The following LRRC7 variants were observed in gnomAD, a reference collection of about 807,000 sequenced individuals.
The protein encoded by LRRC7 is leucine-rich repeat-containing protein 7.
LRRC7 carries 23 observed loss-of-function variants against 175.7 expected under a neutral mutation model. The observed-to-expected ratio is 0.13, with a 90% CI of 0.09 to 0.19. The LOEUF (loss-of-function observed/expected upper bound fraction) is 0.19, where lower values mean the gene tolerates loss of function less well. Ranked by LOEUF, LRRC7 falls within the 10% of genes least tolerant of loss-of-function variation. LRRC7 has a pLI of 1.00. For missense variants in LRRC7, 1,354 were observed against 1,904.7 expected (o/e 0.71, Z 5.38); for synonymous variants, 685 against 680.9 (o/e 1.01, Z -0.09).
At chr1:69,577,754 C>A (rs1374089803) in intron 1 of LRRC7, among the ~76,000 whole-genome samples, 1 of 151,902 alleles carries the variant, frequency 6.6e-6, no homozygotes, top group East Asian at 1.9e-4. Context: ...TGTTTTGGTA[C>A]CAATGCCATG....
chr1:69,618,021 A>C (rs1185482913), intron 1 of LRRC7, among the ~76,000 whole-genome samples: 1 of 152,164 alleles, frequency 6.6e-6, no homozygotes, highest in Non-Finnish European at 1.5e-5. Context: ...AACAATTATG[A>C]AATCTGACTA....
intron 8 of LRRC7, among the ~76,000 whole-genome samples, chr1:69,934,883 G>C (rs1172786942): frequency 6.6e-6 from 1 of 151,986 alleles, no homozygotes. Flanking sequence ...TCCCCTCCCT[G>C]TGCTGGAAAA....
intron 1 of LRRC7, among the ~76,000 whole-genome samples, chr1:69,621,335 C>T (rs1255555750): frequency 3.9e-5 from 6 of 152,100 alleles, no homozygotes; most frequent in Admixed American, 2.0e-4. Flanking sequence ...AGTGAGCCAC[C>T]GCACCCAGCC....
chr1:69,742,838 A>AT lies in LRRC7; in HGVS notation c.101-17347dup, dbSNP rs1312411786. Among the ~76,000 whole-genome samples, 3 of 151,948 alleles carry AT rather than the reference A, an allele frequency of 2.0e-5. No homozygotes were observed. In the East Asian group the frequency reaches 5.8e-4, roughly 29 times the overall value. ...AATTGTAATGTATAAATGACAAATAATTTTTTAATGTTATATATTCCTTTT... is the reference window on the plus strand; with the variant it reads ...AATTGTAATGTATAAATGACAAATAATTTTTTTAATGTTATATATTCCTTTT... On this transcript the variant is annotated intron_variant, in intron 2 of 26. Transcript: ENST00000651989.
intron 7 of LRRC7, among the ~76,000 whole-genome samples, chr1:69,911,172 T>C (rs1276823418): frequency 6.6e-6 from 1 of 151,834 alleles, no homozygotes; most frequent in East Asian, 1.9e-4. Context: ...TGCCTTGCCC[T>C]GCTTCGGCTC....
chr1:69,750,021 A>G (rs1669674970), intron 2 of LRRC7, among the ~76,000 whole-genome samples: 1 of 151,606 alleles, frequency 6.6e-6, no homozygotes, highest in Non-Finnish European at 1.5e-5. Flanking sequence ...AGATCACGCC[A>G]CTGCACTCCA....
intron 26 of LRRC7, among the ~76,000 whole-genome samples, chr1:70,117,269 A>G (rs996003911): frequency 4.6e-5 from 7 of 152,240 alleles, no homozygotes; most frequent in African/African-American, 1.7e-4. Context: ...TTGGATAATA[A>G]GAATGCAACA....
In LRRC7 at chr1:69,681,514, A is replaced by G. The variant is rs561718863; in HGVS notation, c.100+3036A>G. Among the ~76,000 whole-genome samples, 267 of 152,304 alleles carry G rather than the reference A, an allele frequency of 1.8e-3. 1 individual carries two copies. Among genetic ancestry groups the G allele is most frequent in the African/African-American group, 6.1e-3 (255 of 41,574 alleles). On this transcript the variant is annotated intron_variant, in intron 2 of 26. Transcript: ENST00000651989. Reference sequence around the variant, plus strand: ...ATCAACATAGACGTAGATCTAAGTTATTTAATGGGAATTATATCTACCTAT... The same window carrying G: ...ATCAACATAGACGTAGATCTAAGTTGTTTAATGGGAATTATATCTACCTAT...
intron 23 of LRRC7, among the ~76,000 whole-genome samples, chr1:70,058,786 GT>G (rs753515205): frequency 3.3e-5 from 5 of 152,102 alleles, no homozygotes; most frequent in Non-Finnish European, 5.9e-5. Flanking sequence ...TAATATGAAG[GT>G]GATACTATAA....
chr1:70,060,645 G>A (rs1397842179), intron 23 of LRRC7, among the ~76,000 whole-genome samples: 1 of 152,140 alleles, frequency 6.6e-6, no homozygotes, highest in African/African-American at 2.4e-5. Context: ...GAGGCTGTAA[G>A]CAAGCAAGTC....
At chr1:69,718,244 G>T (rs187469779) in intron 2 of LRRC7, among the ~76,000 whole-genome samples, 15 of 151,912 alleles carry the variant, frequency 9.9e-5, no homozygotes, top group Admixed American at 9.9e-4. Flanking sequence ...GGAGTTTGGT[G>T]CTGGGAAACA....
chr1:70,032,009 G>A (rs1484268139), intron 18 of LRRC7, among the ~76,000 whole-genome samples: 2 of 152,116 alleles, frequency 1.3e-5, no homozygotes, highest in African/African-American at 4.8e-5. Flanking sequence ...ATGTTGGCCA[G>A]GATGGTCTCG....
At chr1:69,648,885 A>G (rs1025706462) in intron 1 of LRRC7, among the ~76,000 whole-genome samples, 5 of 152,228 alleles carry the variant, frequency 3.3e-5, no homozygotes, top group African/African-American at 1.2e-4. Flanking sequence ...TAGACAGCAC[A>G]AATAGTATAT....
intron 10 of LRRC7, among the ~76,000 whole-genome samples, chr1:69,991,426 G>A (rs1448910467): frequency 6.6e-6 from 1 of 152,078 alleles, no homozygotes; most frequent in South Asian, 2.1e-4. Flanking sequence ...CTTACTCCTT[G>A]AACTATCTTT....
At chr1:69,902,690 G>A (rs1646170862) in intron 7 of LRRC7, among the ~76,000 whole-genome samples, 2 of 152,202 alleles carry the variant, frequency 1.3e-5, no homozygotes, top group African/African-American at 4.8e-5. Flanking sequence ...AAAATAATGT[G>A]AAGAATCAGA....
chr1:69,786,824 A>T (rs1674505007), intron 3 of LRRC7, among the ~76,000 whole-genome samples: 1 of 152,184 alleles, frequency 6.6e-6, no homozygotes, highest in South Asian at 2.1e-4. Flanking sequence ...CAGCCAAACC[A>T]TATCATTCTG....
intron 7 of LRRC7, among the ~76,000 whole-genome samples, chr1:69,853,809 G>A (rs759854423): frequency 4.6e-5 from 7 of 151,992 alleles, no homozygotes; most frequent in African/African-American, 7.2e-5. Context: ...TCCTTGCTTC[G>A]GTTGTAATTC....
In LRRC7 at chr1:70,131,259, C is replaced by G. The variant is rs951790032; in HGVS notation, c.*9372C>G. ...ATCTTTGGCTTCATTAGATCCTTCC[C>G]CTGAAGGGACAAAAAATGGAATCCA... On this transcript the variant is annotated 3_prime_UTR_variant, in exon 27 of 27. Coordinates refer to ENST00000651989, the MANE Select transcript of LRRC7 (RefSeq NM_001370785.2). 1.1e-4 allele frequency among the ~76,000 whole-genome samples: 16 copies of G among 152,138 alleles called. No homozygotes were observed. Among genetic ancestry groups the G allele is most frequent in the African/African-American group, 3.9e-4 (16 of 41,414 alleles).
chr1:69,967,556 GC>G (rs1557939824), intron 8 of LRRC7, among the ~76,000 whole-genome samples: 1 of 151,974 alleles, frequency 6.6e-6, no homozygotes, highest in African/African-American at 2.4e-5. Flanking sequence ...TCCATTTCAC[GC>G]CCCCTGCCAC....
Sources: allele counts gnomAD v4.1 joint callset (sites outside exome capture counted in the v4.1 genomes callset), GRCh38; gene constraint gnomAD v4.1.1; transcripts MANE v1.5; gene names NCBI Gene and HGNC (gene_info 2026-07-23, HGNC 2026-07-21).